CDH13: variants seen among roughly 807,000 people sequenced by gnomAD.
The protein encoded by CDH13 is cadherin-13.
CDH13 carries 24 observed loss-of-function variants against 63.8 expected under a neutral mutation model. The ratio of observed to expected loss-of-function variants is 0.38; its 90% confidence interval spans 0.27 to 0.53. CDH13 has a LOEUF of 0.53. Ranked by LOEUF, CDH13 falls within the 20% of genes least tolerant of loss-of-function variation. CDH13 has a pLI of 0.85. For synonymous variants in CDH13, 503 were observed against 355.3 expected (o/e 1.42, Z -4.67); for missense variants, 1,049 against 903.1 (o/e 1.16, Z -2.07).
At chr16:82,908,865 T>C (rs917536433) in intron 2 of CDH13, among the ~76,000 whole-genome samples, 1 of 152,206 alleles carries the variant, frequency 6.6e-6, no homozygotes, top group African/African-American at 2.4e-5. Context: ...GCTCCACTTA[T>C]CCACATGTTT....
chr16:83,098,311 G>A (rs1418993837), intron 3 of CDH13, among the ~76,000 whole-genome samples: 2 of 152,074 alleles, frequency 1.3e-5, no homozygotes, highest in African/African-American at 4.8e-5. Context: ...TTGCACTACT[G>A]CTCCTCTGGT....
chr16:82,731,178 T>A (rs754438152), intron 1 of CDH13, among the ~76,000 whole-genome samples: 7 of 152,176 alleles, frequency 4.6e-5, no homozygotes, highest in Admixed American at 1.3e-4. Flanking sequence ...AGAATGGCAG[T>A]CAGCAAACTT....
At chr16:82,710,531 T>C (rs1256922823) in intron 1 of CDH13, among the ~76,000 whole-genome samples, 26 of 10,718 alleles carry the variant, frequency 2.4e-3, no homozygotes, top group African/African-American at 6.2e-3. Context: ...AGACTCTGTC[T>C]CAAAAAAAAA....
intron 7 of CDH13, among the ~76,000 whole-genome samples, chr16:83,505,517 G>C (rs72791437): frequency 4.0e-5 from 6 of 149,898 alleles, no homozygotes; most frequent in Non-Finnish European, 5.9e-5. Flanking sequence ...AGCTGATGAG[G>C]TTTGTGATTA....
chr16:82,837,564 C>G (rs571625723), intron 1 of CDH13, among the ~76,000 whole-genome samples: 1 of 152,104 alleles, frequency 6.6e-6, no homozygotes. Context: ...GGCCTGTGAG[C>G]GAAGTCCGGA....
At chr16:82,668,973 G>C (rs1260599110) in intron 1 of CDH13, among the ~76,000 whole-genome samples, 4 of 152,188 alleles carry the variant, frequency 2.6e-5, no homozygotes, top group Non-Finnish European at 5.9e-5. Context: ...GGCTGCCCCG[G>C]TGTACCTGGC....
intron 5 of CDH13, among the ~76,000 whole-genome samples, chr16:83,224,014 C>G (rs1348094166): frequency 6.6e-6 from 1 of 152,214 alleles, no homozygotes; most frequent in East Asian, 1.9e-4. Flanking sequence ...GCCAAGTCCC[C>G]AAAGTCCATT....
intron 5 of CDH13, among the ~76,000 whole-genome samples, chr16:83,248,758 C>G (rs1231301157): frequency 6.6e-6 from 1 of 152,102 alleles, no homozygotes; most frequent in Non-Finnish European, 1.5e-5. Context: ...ATTATGTTCC[C>G]TCACAATCTT....
intron 10 of CDH13, among the ~76,000 whole-genome samples, chr16:83,711,522 TG>T (rs1180264757): frequency 6.6e-6 from 1 of 152,296 alleles, no homozygotes; most frequent in Admixed American, 6.5e-5. Flanking sequence ...TTTTGTTTTT[TG>T]TTTTTTGTTT....
At chr16:83,297,613 G>GT (rs939188944) in intron 5 of CDH13, among the ~76,000 whole-genome samples, 2 of 152,096 alleles carry the variant, frequency 1.3e-5, no homozygotes, top group African/African-American at 4.8e-5. Flanking sequence ...GTAGTTAGAT[G>GT]TTTTTGCCAA....
intron 6 of CDH13, among the ~76,000 whole-genome samples, chr16:83,427,514 A>G (rs1305008365): frequency 6.6e-6 from 1 of 152,178 alleles, no homozygotes; most frequent in Admixed American, 6.5e-5. Context: ...AACCCCCATG[A>G]GACTGATCTC....
intron 1 of CDH13, among the ~76,000 whole-genome samples, chr16:82,666,251 G>C (rs1912570882): frequency 6.6e-6 from 1 of 152,186 alleles, no homozygotes. Context: ...AGAAACACAG[G>C]GGAATGGAAG....
chr16:83,631,010 T>C (rs1178842075), intron 8 of CDH13, among the ~76,000 whole-genome samples: 1 of 152,116 alleles, frequency 6.6e-6, no homozygotes, highest in Non-Finnish European at 1.5e-5. Flanking sequence ...AGGGGGCCAT[T>C]GTGATGAAGA....
intron 6 of CDH13, among the ~76,000 whole-genome samples, chr16:83,403,320 G>A (rs1422261105): frequency 6.6e-6 from 1 of 152,104 alleles, no homozygotes; most frequent in Non-Finnish European, 1.5e-5. Context: ...AGACTTGGAG[G>A]AAATAGAGGA....
At chr16:83,496,754 A>T (rs200005195) in intron 7 of CDH13, among the ~76,000 whole-genome samples, 1 of 152,176 alleles carries the variant, frequency 6.6e-6, no homozygotes, top group Non-Finnish European at 1.5e-5. Context: ...TTTTCGCAAC[A>T]TACTCATCTG....
At chr16:82,838,912 CAA>C (rs771366665) in intron 1 of CDH13, among the ~76,000 whole-genome samples, 50 of 152,310 alleles carry the variant, frequency 3.3e-4, no homozygotes, top group Non-Finnish European at 2.6e-4. Context: ...CAAACTTTCT[CAA>C]AGAGCCAGAT....
intron 2 of CDH13, among the ~76,000 whole-genome samples, chr16:82,957,072 C>A (rs1188035284): frequency 6.6e-6 from 1 of 152,096 alleles, no homozygotes; most frequent in East Asian, 1.9e-4. Context: ...TGGAATGTAT[C>A]CTGTGTCCTC....
intron 3 of CDH13, among the ~76,000 whole-genome samples, chr16:83,088,203 G>A (rs907559287): frequency 1.3e-5 from 2 of 152,176 alleles, no homozygotes; most frequent in African/African-American, 4.8e-5. Flanking sequence ...AGTTTGTGTT[G>A]ACACATTGCA....
rs1909828617 is a variant in CDH13, at chr16:82,644,426, C to T, written c.45+17289C>T. Among the ~76,000 whole-genome samples, 2 of 152,120 alleles carry T rather than the reference C, an allele frequency of 1.3e-5. No individual in the cohort carries two copies. Among genetic ancestry groups the T allele is most frequent in the South Asian group, 4.1e-4 (2 of 4,824 alleles). On this transcript the variant is annotated intron_variant, in intron 1 of 13. Coordinates refer to ENST00000567109, the MANE Select transcript of CDH13 (RefSeq NM_001257.5). The surrounding 1 kb of genome is among the most constrained non-coding windows in gnomAD (Gnocchi z 5.7). ...TAACCATGGAACGTACTCCTGTCTG[C>T]CCTCACTCGTGGGTTGATGATTTCT...
Sources: gnomAD v4.1 joint callset for allele counts (sites outside exome capture counted in the v4.1 genomes callset) on GRCh38, gnomAD v4.1.1 for gene constraint, Gnocchi (gnomAD v3.1) non-coding constraint, MANE v1.5 for transcripts, NCBI Gene and HGNC (gene_info 2026-07-23, HGNC 2026-07-21) for gene names.